PSD4: variants seen among roughly 807,000 people sequenced by gnomAD.
PSD4 encodes pleckstrin and Sec7 domain containing 4, also known as PH and SEC7 domain-containing protein 4.
A neutral mutation model predicts 112.5 loss-of-function variants in PSD4; 59 were observed. That is an observed-to-expected ratio of 0.52 (90% CI 0.43 to 0.65). The LOEUF (loss-of-function observed/expected upper bound fraction) is 0.65. Ranked by LOEUF, PSD4 falls within the 30% of genes least tolerant of loss-of-function variation. The pLI, the probability that PSD4 is intolerant of heterozygous loss-of-function variation, is 0.00. For missense variants in PSD4, 1,267 were observed against 1,352.6 expected, an observed-to-expected ratio of 0.94 and a Z score of 0.99; for synonymous variants, 533 against 540.0, an observed-to-expected ratio of 0.99 and a Z score of 0.18.
At chr2:113,181,063 CAAA>C (rs10566378) in intron 1 of PSD4, among the ~76,000 whole-genome samples, 39 of 141,828 alleles carry the variant, frequency 2.7e-4, no homozygotes, top group East Asian at 8.1e-4. Context: ...ACTAGAAATA[CAAA>C]AAAAAAAAAA....
At position 113,207,011 on chromosome 2, in the gene PSD4, C is replaced by T. The variant is rs969982031; in HGVS notation, c.*5596C>T. ...TTCTCTCTTGTTCTTTTGGGGGCTC[C>T]ATCTCCCAGGCCTATGAGCAGGAAC... On this transcript the variant is annotated 3_prime_UTR_variant, in exon 17 of 17. Transcript: ENST00000245796. 1 of 152,144 alleles carries T rather than the reference C, an allele frequency of 6.6e-6. No individual in the cohort carries two copies. Among genetic ancestry groups the T allele is most frequent in the Non-Finnish European group, 1.5e-5 (1 of 68,038 alleles). 9.4% of individuals were successfully genotyped at this position (152,144 alleles called of 1,614,324 possible).
intron 2 of PSD4, among the ~76,000 whole-genome samples, chr2:113,184,728 G>A (rs11893620): frequency 0.029 from 4,358 of 152,218 alleles, 77 homozygotes; most frequent in African/African-American, 0.059. Flanking sequence ...GCTATAAGTT[G>A]CAGGTTGGCT....
chr2:113,192,409 C>G lies in PSD4; in HGVS notation c.1658C>G (p.Ser553Cys). 8 of 1,614,224 alleles carry G rather than the reference C, an allele frequency of 5.0e-6. No homozygotes were observed. The highest frequency in any genetic ancestry group is 6.8e-6 in the Non-Finnish European group (8 of 1,180,044). The change falls in exon 6 of 17, where the codon TCT becomes TGT. Residue 553 changes from serine (S) to cysteine (C), a missense_variant. Ser to Cys is a moderately radical substitution (Grantham distance 112, BLOSUM62 -1). Coordinates refer to ENST00000245796, the MANE Select transcript of PSD4 (RefSeq NM_012455.3). ...HENLRTPMNS[S>C]WLPGSPMPQA... ...AATCTGAGGACACCGATGAACTCTT[C>G]TTGGCTTCCTGGGAGCCCTATGCCC...
At chr2:113,183,872 C>T (rs188351005) in intron 2 of PSD4, among the ~76,000 whole-genome samples, 142 of 152,356 alleles carry the variant, frequency 9.3e-4, no homozygotes, top group African/African-American at 3.3e-3. Flanking sequence ...ATCTCCAAGA[C>T]ATTCCCAACT....
At chr2:113,181,536 G>T (rs1688138389) in intron 1 of PSD4, among the ~76,000 whole-genome samples, 1 of 152,166 alleles carries the variant, frequency 6.6e-6, no homozygotes, top group Non-Finnish European at 1.5e-5. Flanking sequence ...TGTGCACACA[G>T]CAGCTCTGGG....
rs2104508372 is a variant in PSD4, at chr2:113,197,764, T to C, written c.2475T>C (p.Cys825=). ...ACTGGTAGCAGGGAGAAGACCACTG[T>C]CTGGAGGGGGAGAGCTTGGTGGGGC... ...LYFLKQGEDH[C]LEGESLVGQM... Residue 825 remains cysteine (C), a synonymous_variant, in exon 14 of 17, where the codon TGT becomes TGC. Coordinates refer to ENST00000245796, the MANE Select transcript of PSD4 (RefSeq NM_012455.3). 1 of 1,610,074 alleles carries C rather than the reference T, an allele frequency of 6.2e-7. No homozygotes were observed. Among genetic ancestry groups the C allele is most frequent in the South Asian group, 1.1e-5 (1 of 90,952 alleles).
At chr2:113,193,160 G>A in intron 7 of PSD4, 32 bp downstream of exon 7, 2 of 1,609,050 alleles carry the variant, frequency 1.2e-6, no homozygotes, top group Non-Finnish European at 1.7e-6. Context: ...TGGGGAGGCT[G>A]TGGAGGATGG....
chr2:113,175,691 A>T (rs1687955002), intron 1 of PSD4, among the ~76,000 whole-genome samples: 1 of 152,200 alleles, frequency 6.6e-6, no homozygotes, highest in South Asian at 2.1e-4. Context: ...CTGGAAGCTC[A>T]AAAAGGGAAA....
In PSD4 at chr2:113,201,278, C is replaced by G; in HGVS notation, c.3034C>G (p.Leu1012Val). Residue 1012 changes from leucine to valine, a missense_variant, in exon 17 of 17, where the codon CTC becomes GTC. Coordinates refer to ENST00000245796, the MANE Select transcript of PSD4 (RefSeq NM_012455.3). ...REAGGTREPKLSLKKSHSSPS... is the reference protein window; with the variant it reads ...REAGGTREPKVSLKKSHSSPS... ...AGCTGGAGGCACTCGGGAGCCCAAG[C>G]TCAGCCTGAAGAAGTCCCACTCGAG... 6.2e-7 allele frequency: 1 copy of G among 1,614,178 alleles called. No individual in the cohort carries two copies. The highest frequency in any genetic ancestry group is 1.3e-5 in the African/African-American group (1 of 75,050).
intron 1 of PSD4, among the ~76,000 whole-genome samples, chr2:113,178,448 C>G (rs2104490656): frequency 6.6e-6 from 1 of 151,418 alleles, no homozygotes; most frequent in East Asian, 1.9e-4. Context: ...TGAAAAAACC[C>G]AGCAAGGAAC....
At chr2:113,200,332 A>G (rs1418901222) in intron 16 of PSD4, among the ~76,000 whole-genome samples, 1 of 152,172 alleles carries the variant, frequency 6.6e-6, no homozygotes, top group East Asian at 1.9e-4. Context: ...GGTGAATGCA[A>G]TGTGAAAATA....
Position 113,205,896 on chromosome 2 carries a change from C to T in PSD4, c.*4481C>T, listed in dbSNP as rs559470638. On this transcript the variant is annotated 3_prime_UTR_variant, in exon 17 of 17. Coordinates refer to ENST00000245796, the MANE Select transcript of PSD4 (RefSeq NM_012455.3). ...TGGCTACTGTCCTCCCCACTGGCCC[C>T]TCTGCCAACACCTCTGCCCCTCAGC... 3 of 152,530 alleles carry T rather than the reference C, an allele frequency of 2.0e-5. No individual in the cohort carries two copies. The highest frequency in any genetic ancestry group is 7.2e-5 in the African/African-American group (3 of 41,588). 9.4% of individuals were successfully genotyped at this position (152,530 alleles called of 1,614,324 possible). A position where few individuals can be genotyped will look rare whatever the true frequency, so the allele number is the denominator to read the frequency against.
At chr2:113,200,168 ATCCCTTAGT>A (rs1256494061) in intron 16 of PSD4, among the ~76,000 whole-genome samples, 1 of 151,990 alleles carries the variant, frequency 6.6e-6, no homozygotes, top group Admixed American at 6.6e-5. Context: ...GAAATGTTTT[ATCCCTTAGT>A]CTCCCCCAAC....
intron 5 of PSD4, among the ~76,000 whole-genome samples, chr2:113,187,341 C>T (rs1688328276): frequency 6.6e-6 from 1 of 152,208 alleles, no homozygotes; most frequent in Non-Finnish European, 1.5e-5. Flanking sequence ...CCTATACCTC[C>T]TTGTCCCTTC....
At chr2:113,184,411 C>T (rs1688234350) in intron 2 of PSD4, among the ~76,000 whole-genome samples, 1 of 139,836 alleles carries the variant, frequency 7.2e-6, no homozygotes, top group South Asian at 2.2e-4. Context: ...CGGAGTCTTG[C>T]TATGTTGCCC....
In PSD4 at chr2:113,192,415, T is replaced by G; in HGVS notation, c.1664T>G (p.Leu555Arg). The G allele has an allele frequency of 6.2e-7, 1 of 1,614,214 alleles. No homozygotes were observed. Among genetic ancestry groups the G allele is most frequent in the African/African-American group, 1.3e-5 (1 of 75,060 alleles). Residue 555 changes from leucine to arginine, a missense_variant, in exon 6 of 17, where the codon CTT (leucine) becomes CGT (arginine). Transcript: ENST00000245796. The part of the protein sequence containing the change: ...NLRTPMNSSW[L>R]PGSPMPQAQS... ...AGGACACCGATGAACTCTTCTTGGC[T>G]TCCTGGGAGCCCTATGCCCCAAGCA...
In PSD4 at chr2:113,198,778, A is replaced by G. The variant is rs1161019291; in HGVS notation, c.2663A>G (p.Asn888Ser). Residue 888 changes from asparagine (N) to serine (S), a missense_variant, in exon 15 of 17, where the codon AAC becomes AGC. Coordinates refer to ENST00000245796, the MANE Select transcript of PSD4 (RefSeq NM_012455.3). The stretch of plus-strand genomic sequence containing the variant: ...ATGAGCTCCTGGATCGCGCGCATCA[A>G]CTTGGCTGCGGCCACGCACTCCGCG... ...KEMSSWIARI[N>S]LAAATHSAPP... is the part of the protein sequence containing the mutation. 1 of 1,584,934 alleles carries G rather than the reference A, an allele frequency of 6.3e-7. No homozygotes were observed. The highest frequency in any genetic ancestry group is 2.3e-5 in the East Asian group (1 of 44,048).
At chr2:113,175,714 C>G (rs554525096) in intron 1 of PSD4, among the ~76,000 whole-genome samples, 46 of 152,280 alleles carry the variant, frequency 3.0e-4, no homozygotes, top group Middle Eastern at 3.4e-3. Context: ...GAGACAGGCA[C>G]CCTCCGGATG....
In PSD4 at chr2:113,197,320, T is replaced by C. The variant is rs1209215795; in HGVS notation, c.2387-244T>C. 1.2e-5 allele frequency: 7 copies of C among 569,500 alleles called. No homozygotes were observed. The East Asian group carries it at 1.8e-4, about 15-fold the overall frequency. The allele number at this position is 569,500 out of a possible 1,614,324, so 35.3% of individuals were successfully genotyped here. ...AGATGATATGTATGAATATCTATAT[T>C]TGGATGTGAGTGGTTCTATGGTTTT... On this transcript the variant is annotated intron_variant, in intron 12 of 16. Coordinates refer to ENST00000245796, the MANE Select transcript of PSD4 (RefSeq NM_012455.3).
Sources: allele counts gnomAD v4.1 joint callset (sites outside exome capture counted in the v4.1 genomes callset), GRCh38; gene constraint gnomAD v4.1.1; transcripts MANE v1.5; gene names NCBI Gene and HGNC (gene_info 2026-07-23, HGNC 2026-07-21).